PRMT9: variants seen among roughly 807,000 people sequenced by gnomAD.
The protein encoded by PRMT9 is protein arginine methyltransferase 9, also known as protein arginine N-methyltransferase 9.
Under a neutral mutation model 83.2 loss-of-function variants are expected in PRMT9, and 59 were observed. The observed-to-expected ratio is 0.71, with a 90% CI of 0.57 to 0.88. The LOEUF (loss-of-function observed/expected upper bound fraction) is 0.88. Among genes scored for constraint, PRMT9 ranks in the 40% least tolerant of loss-of-function variants. The probability of loss-of-function intolerance (pLI) is 0.00; values close to 1 mark genes in which losing one functional copy is unlikely to be tolerated. For missense variants in PRMT9, 947 were observed against 1,021.9 expected (o/e 0.93, Z 1.00); for synonymous variants, 333 against 353.2 (o/e 0.94, Z 0.64).
At chr4:147,679,345 C>T (rs1230833657) in intron 2 of PRMT9, among the ~76,000 whole-genome samples, 3 of 152,010 alleles carry the variant, frequency 2.0e-5, no homozygotes, top group African/African-American at 4.8e-5. Flanking sequence ...GGTGGGGGCG[C>T]TGCTGAGGTG....
chr4:147,655,060 A>G (rs1264495881), intron 8 of PRMT9, among the ~76,000 whole-genome samples: 2 of 152,268 alleles, frequency 1.3e-5, no homozygotes, highest in Non-Finnish European at 2.9e-5. Flanking sequence ...GTTAACTGTA[A>G]GTATTTTAGA....
Position 147,684,069 on chromosome 4 carries a change from A to C in PRMT9, c.-82T>G. ...CTCTCTCGATGCTACACTTCCAGGG[A>C]CCAGACAACTGCTCAAAAAACAGCA... On this transcript the variant is annotated 5_prime_UTR_variant, in exon 1 of 12. Transcript: ENST00000322396. The C allele has an allele frequency of 7.0e-7, 1 of 1,421,108 alleles. No individual in the cohort carries two copies. Among genetic ancestry groups the C allele is most frequent in the South Asian group, 1.2e-5 (1 of 82,806 alleles). 88.0% of individuals were successfully genotyped at this position (1,421,108 alleles called of 1,614,324 possible). A position where few individuals can be genotyped will look rare whatever the true frequency, so the allele number is the denominator to read the frequency against.
At chr4:147,682,915 C>T (rs1001689351) in intron 1 of PRMT9, among the ~76,000 whole-genome samples, 5 of 152,166 alleles carry the variant, frequency 3.3e-5, no homozygotes, top group Non-Finnish European at 7.3e-5. Flanking sequence ...CCTCCCCTCC[C>T]CCATAACAAA....
At chr4:147,643,026 A>T in intron 9 of PRMT9, 86 bp from the exon 10 acceptor site, 1 of 1,210,034 alleles carries the variant, frequency 8.3e-7, no homozygotes, top group Non-Finnish European at 1.2e-6. Context: ...TTGGGAGGCC[A>T]AGGTGGGTGG....
At chr4:147,681,302 G>C (rs1736452683) in intron 1 of PRMT9, among the ~76,000 whole-genome samples, 1 of 152,200 alleles carries the variant, frequency 6.6e-6, no homozygotes, top group Non-Finnish European at 1.5e-5. Flanking sequence ...CTGGACTACA[G>C]CAACAGCCTT....
chr4:147,663,730 T>A (rs577143762), intron 6 of PRMT9, among the ~76,000 whole-genome samples: 1 of 152,344 alleles, frequency 6.6e-6, no homozygotes, highest in Non-Finnish European at 1.5e-5. Context: ...TCAAGCCATA[T>A]GGTAAAAAGT....
chr4:147,665,182 T>A (rs1735244083), intron 6 of PRMT9, among the ~76,000 whole-genome samples: 1 of 151,970 alleles, frequency 6.6e-6, no homozygotes, highest in Non-Finnish European at 1.5e-5. Flanking sequence ...TTACAATCTT[T>A]CCTTTTGTCG....
intron 4 of PRMT9, among the ~76,000 whole-genome samples, chr4:147,672,619 GTTTTCT>G (rs1460444892): frequency 6.6e-6 from 1 of 152,138 alleles, no homozygotes; most frequent in Admixed American, 6.6e-5. Flanking sequence ...AACTGCTTGT[GTTTTCT>G]TTTTAAGTAC....
chr4:147,681,650 G>A lies in PRMT9; in HGVS notation c.190-1179C>T, dbSNP rs573599123. On this transcript the variant is annotated intron_variant, in intron 1 of 11. Transcript: ENST00000322396. ...AAAAATATAAAAATTAGCCAAGCACGGTGGCGAACACCTATAATCCCTGCT... is the reference window on the plus strand; with the variant it reads ...AAAAATATAAAAATTAGCCAAGCACAGTGGCGAACACCTATAATCCCTGCT... Among the ~76,000 whole-genome samples, 266 of 152,206 alleles carry A rather than the reference G, an allele frequency of 1.7e-3. 2 individuals carry two copies. Among genetic ancestry groups the A allele is most frequent in the Non-Finnish European group, 3.0e-3 (205 of 68,018 alleles).
chr4:147,651,335 T>C (rs1734084154), intron 9 of PRMT9, among the ~76,000 whole-genome samples: 1 of 152,174 alleles, frequency 6.6e-6, no homozygotes, highest in Non-Finnish European at 1.5e-5. Context: ...AATGATTTCT[T>C]GGATATGATA....
Position 147,654,503 on chromosome 4 carries a change from C to A in PRMT9, c.1394G>T (p.Arg465Ile). 1 of 1,613,972 alleles carries A rather than the reference C, an allele frequency of 6.2e-7. No individual in the cohort carries two copies. Among genetic ancestry groups the A allele is most frequent in the Non-Finnish European group, 8.5e-7 (1 of 1,180,004 alleles). The change falls in exon 9 of 12, where the codon AGA (arginine) becomes ATA (isoleucine). Residue 465 changes from arginine to isoleucine, a missense_variant. Coordinates refer to ENST00000322396, the MANE Select transcript of PRMT9 (RefSeq NM_138364.4). ...MEVSCQDCYLRIQSISVLGLE... is the reference protein window; with the variant it reads ...MEVSCQDCYLIIQSISVLGLE... ...ACCCAAGACACTAATACTCTGGATT[C>A]TTAAGTAACAGTCTTGACAAGATAC...
chr4:147,662,401 C>T (rs1735026704), intron 6 of PRMT9, among the ~76,000 whole-genome samples: 1 of 152,136 alleles, frequency 6.6e-6, no homozygotes, highest in African/African-American at 2.4e-5. Flanking sequence ...ATATTCTGGT[C>T]CTTGATGTCA....
intron 8 of PRMT9, among the ~76,000 whole-genome samples, chr4:147,657,025 A>T (rs1734556215): frequency 6.6e-6 from 1 of 151,994 alleles, no homozygotes; most frequent in Non-Finnish European, 1.5e-5. Context: ...AAAAATCTTT[A>T]TACAGAACTT....
intron 6 of PRMT9, among the ~76,000 whole-genome samples, chr4:147,664,514 A>G (rs1735187261): frequency 6.6e-6 from 1 of 152,190 alleles, no homozygotes; most frequent in Admixed American, 6.5e-5. Context: ...TGCAGGCTGT[A>G]CATTTTGGAT....
intron 7 of PRMT9, among the ~76,000 whole-genome samples, chr4:147,660,606 G>T (rs1008512714): frequency 5.9e-5 from 9 of 152,060 alleles, no homozygotes; most frequent in Admixed American, 3.9e-4. Context: ...CTCCAGCCTG[G>T]GTGACAGAGC....
At chr4:147,669,171 T>C (rs372803665) in intron 5 of PRMT9, among the ~76,000 whole-genome samples, 51 of 152,096 alleles carry the variant, frequency 3.4e-4, no homozygotes, top group East Asian at 1.7e-3. Flanking sequence ...AGAGGACCAC[T>C]TGAGGCCAGG....
chr4:147,662,356 G>A (rs1324662722), intron 6 of PRMT9, among the ~76,000 whole-genome samples: 1 of 152,150 alleles, frequency 6.6e-6, no homozygotes, highest in Admixed American at 6.5e-5. Context: ...AAGAGATGGG[G>A]TTTCTTCCTG....
At chr4:147,672,928 TAAA>T (rs768757512) in intron 4 of PRMT9, 28 bp downstream of exon 4, 2 of 1,585,052 alleles carry the variant, frequency 1.3e-6, no homozygotes, top group Non-Finnish European at 1.7e-6. Context: ...TAGAGAAGTA[TAAA>T]CACTAAAATT....
chr4:147,650,372 T>G (rs1560973219), intron 9 of PRMT9, among the ~76,000 whole-genome samples: 1 of 152,192 alleles, frequency 6.6e-6, no homozygotes, highest in Non-Finnish European at 1.5e-5. Flanking sequence ...TGCATTTGCA[T>G]GTACTAGCAA....
Sources: allele counts gnomAD v4.1 joint callset (sites outside exome capture counted in the v4.1 genomes callset), GRCh38; gene constraint gnomAD v4.1.1; transcripts MANE v1.5; gene names NCBI Gene and HGNC (gene_info 2026-07-23, HGNC 2026-07-21).